The following SART1 variants were observed in gnomAD, a reference collection of about 807,000 sequenced individuals.
The protein encoded by SART1 is spliceosome associated factor 1, recruiter of U4/U6.U5 tri-snRNP.
Under a neutral mutation model 105.0 loss-of-function variants are expected in SART1, and 28 were observed. The observed-to-expected ratio is 0.27, with a 90% confidence interval of 0.20 to 0.37. The LOEUF is 0.37. SART1 is among the 10% of genes least tolerant of loss of function. The pLI is 1.00. For missense variants in SART1, 894 were observed against 1,106.5 expected (o/e 0.81, Z 2.72); for synonymous variants, 472 against 462.9 (o/e 1.02, Z -0.25).
chr11:65,972,801 C>T (rs559830933), intron 12 of SART1, among the ~76,000 whole-genome samples: 1 of 147,680 alleles, frequency 6.8e-6, no homozygotes, highest in African/African-American at 2.5e-5. Context: ...AAAAAAAAAA[C>T]CAAGAAACCC....
chr11:65,965,309 G>A (rs752572715), intron 4 of SART1, 33 bp from the exon 5 acceptor site: 10 of 1,596,794 alleles, frequency 6.3e-6, no homozygotes, highest in Non-Finnish European at 7.7e-6. Context: ...GCAGGAGCTG[G>A]GCTCCTTGAG....
rs918208615 is a variant in SART1, at chr11:65,978,515, G to A, written c.2173-85G>A. The A allele has an allele frequency of 1.4e-5, 19 of 1,339,984 alleles. No homozygotes were observed. The Middle Eastern group carries it at 7.5e-4, about 53-fold the overall frequency. 83.0% of individuals were successfully genotyped at this position (1,339,984 alleles called of 1,614,324 possible). ...CTGGCATTGGGGTCAATCAACACCC[G>A]CCCTGTTATTATACACCTTGTGGGC... On this transcript the variant is annotated intron_variant, in intron 17 of 19. Transcript: ENST00000312397. This position sits in a 1 kb window ranked among gnomAD's most constrained non-coding sequence, Gnocchi z 6.8.
Position 65,978,468 on chromosome 11 carries a change from C to A in SART1, c.2173-132C>A. 1.2e-6 allele frequency: 1 copy of A among 840,660 alleles called. No individual in the cohort carries two copies. Among genetic ancestry groups the A allele is most frequent in the Non-Finnish European group, 1.9e-6 (1 of 523,306 alleles). 52.1% of individuals were successfully genotyped at this position (840,660 alleles called of 1,614,324 possible). A position where few individuals can be genotyped will look rare whatever the true frequency, so the allele number is the denominator to read the frequency against. The stretch of plus-strand genomic sequence containing the variant: ...CCAGCGTCTGTGCTCTTTTCCCATC[C>A]CCTTCCCACTGCACCCCAGGCCTGG... On this transcript the variant is annotated intron_variant, in intron 17 of 19. Coordinates refer to ENST00000312397, the MANE Select transcript of SART1 (RefSeq NM_005146.5). This position sits in a 1 kb window ranked among gnomAD's most constrained non-coding sequence, Gnocchi z 6.8.
intron 1 of SART1, 122 bp from the exon 2 acceptor site, chr11:65,963,952 G>A (rs1855196619): frequency 1.3e-6 from 1 of 755,184 alleles, no homozygotes; most frequent in East Asian, 2.7e-5. Flanking sequence ...GCTGTTTTCT[G>A]GTGTTTCAGC....
rs1367442905 is a variant in SART1, at chr11:65,978,010, C to T, written c.2172+111C>T. 1 of 1,245,368 alleles carries T rather than the reference C, an allele frequency of 8.0e-7. No individual in the cohort carries two copies. Among genetic ancestry groups the T allele is most frequent in the African/African-American group, 1.5e-5 (1 of 66,226 alleles). 77.1% of individuals were successfully genotyped at this position (1,245,368 alleles called of 1,614,324 possible). ...GCCCCAGGGTCCTGGCTCCACCAGC[C>T]TCTGGCTGGGGGCCTGGTGAATGCC... On this transcript the variant is annotated intron_variant, in intron 17 of 19. Transcript: ENST00000312397. The surrounding 1 kb of genome is among the most constrained non-coding windows in gnomAD (Gnocchi z 6.8).
At chr11:65,966,667 G>T in intron 9 of SART1, 111 bp downstream of exon 9, 1 of 1,270,064 alleles carries the variant, frequency 7.9e-7, no homozygotes. Flanking sequence ...TTCACAAAGC[G>T]CTTGGCCTCG....
intron 1 of SART1, 37 bp downstream of exon 1, chr11:65,962,130 C>CCTGGGGGGGGGGGGGGGGGGGGGG: frequency 9.0e-6 from 1 of 111,094 alleles, no homozygotes; most frequent in Non-Finnish European, 1.6e-5. Flanking sequence ...GCGGGTCGGG[C>CCTGGGGGGGGGGGGGGGGGGGGGG]GGGGGTCCCG....
rs769814338 is a variant in SART1, at chr11:65,977,608, CCAA to C, written c.1995_1997del (p.Asn665del). On this transcript the variant is annotated inframe_deletion, in exon 16 of 20. Transcript: ENST00000312397. ...CAGAAGGTGGCCCGGGTGAAGGCCC[CCAA>C]CAAGTCGCTGCCCTCAGCCGTGTAC... is the stretch of plus-strand genomic sequence containing the variant. The C allele has an allele frequency of 3.3e-5, 54 of 1,613,830 alleles. No individual in the cohort carries two copies. Among genetic ancestry groups the C allele is most frequent in the Non-Finnish European group, 4.4e-5 (52 of 1,179,982 alleles).
chr11:65,976,609 G>A lies in SART1; in HGVS notation c.1746+41G>A, dbSNP rs537111180. The A allele has an allele frequency of 6.2e-7, 1 of 1,613,502 alleles. No individual in the cohort carries two copies. The highest frequency in any genetic ancestry group is 1.7e-5 in the Admixed American group (1 of 59,982). The stretch of plus-strand genomic sequence containing the variant: ...CCCCGCCCTCTGCTTCCCTCGGCTG[G>A]GTGGGCTGGCTGGGGCCTGGGCCGA... On this transcript the variant is annotated intron_variant, in intron 13 of 19. Coordinates refer to ENST00000312397, the MANE Select transcript of SART1 (RefSeq NM_005146.5). The surrounding 1 kb of genome is among the most constrained non-coding windows in gnomAD (Gnocchi z 5.1).
intron 12 of SART1, among the ~76,000 whole-genome samples, chr11:65,974,734 A>G (rs1397384756): frequency 6.6e-6 from 1 of 152,056 alleles, no homozygotes; most frequent in Non-Finnish European, 1.5e-5. Context: ...TACAATGTTC[A>G]TTAAAAAATA....
chr11:65,977,921 C>T (rs373700227), intron 17 of SART1, 22 bp downstream of exon 17: 45 of 1,576,898 alleles, frequency 2.9e-5, no homozygotes, highest in Middle Eastern at 3.5e-4. Context: ...CTTTTGCAGG[C>T]GGAGGCCCGG....
At chr11:65,969,452 TTTG>T (rs1380035813) in intron 12 of SART1, among the ~76,000 whole-genome samples, 1 of 152,254 alleles carries the variant, frequency 6.6e-6, no homozygotes, top group Admixed American at 6.5e-5. Flanking sequence ...GGAGGTTGTT[TTTG>T]TTGTTGTTTT....
chr11:65,963,911 GAGCTGCTGGGGAGCTTGGGTGGAAGA>G, intron 1 of SART1, 137 bp from the exon 2 acceptor site: 2 of 634,118 alleles, frequency 3.2e-6, no homozygotes, highest in South Asian at 3.7e-5. Context: ...TCGGGCAGAG[GAGCTGCTGGGGAGCTTGGGTGGAAGA>G]AGCTGCTGTT....
At chr11:65,966,988 G>C (rs1037207734) in intron 9 of SART1, among the ~76,000 whole-genome samples, 1 of 152,120 alleles carries the variant, frequency 6.6e-6, no homozygotes, top group Non-Finnish European at 1.5e-5. Flanking sequence ...TCCTCAGTGG[G>C]TAAGAGCAGG....
intron 8 of SART1, 55 bp from the exon 9 acceptor site, chr11:65,966,295 T>A: frequency 6.2e-7 from 1 of 1,613,736 alleles, no homozygotes; most frequent in Non-Finnish European, 8.5e-7. Flanking sequence ...AGGTGGTGGC[T>A]CAGTGGCTTT....
At chr11:65,965,806 G>C in intron 6 of SART1, 27 bp downstream of exon 6, 1 of 1,613,760 alleles carries the variant, frequency 6.2e-7, no homozygotes, top group Non-Finnish European at 8.5e-7. Context: ...GGTGGTACAG[G>C]GGACACTGGT....
In SART1 at chr11:65,966,550, G is replaced by A; in HGVS notation, c.1182G>A (p.Glu394=). The A allele has an allele frequency of 6.6e-7, 1 of 1,525,816 alleles. No homozygotes were observed. Among genetic ancestry groups the A allele is most frequent in the East Asian group, 2.3e-5 (1 of 43,826 alleles). 94.5% of individuals were successfully genotyped at this position (1,525,816 alleles called of 1,614,324 possible). ...PRLASEYLTP[E]EMVTFKKTKR... The stretch of plus-strand genomic sequence containing the variant: ...TGGCCTCCGAATACCTCACGCCTGA[G>A]GAGATGGTGAGCCCTCCCGTGCCTT... The change falls in exon 9 of 20, where the codon GAG becomes GAA. Residue 394 remains glutamate, a synonymous_variant. Transcript: ENST00000312397.
chr11:65,964,186 G>A (rs774797688), intron 2 of SART1, 55 bp downstream of exon 2: 8 of 1,450,204 alleles, frequency 5.5e-6, no homozygotes, highest in African/African-American at 1.4e-5. Flanking sequence ...GTGGCTCTGG[G>A]GCCAGCACGG....
rs1022081893 is a variant in SART1, at chr11:65,979,275, T to A, written c.*245T>A. 17 of 600,848 alleles carry A rather than the reference T, an allele frequency of 2.8e-5. No homozygotes were observed. The highest frequency in any genetic ancestry group is 1.2e-4 in the Admixed American group (4 of 33,854). 37.2% of individuals were successfully genotyped at this position (600,848 alleles called of 1,614,324 possible). On this transcript the variant is annotated 3_prime_UTR_variant, in exon 20 of 20. Transcript: ENST00000312397. ...CTCCCCTGGCTGTCGGTCACACCTC[T>A]GCAGGGCCGGCTCTCTGATAGAAAG... is the stretch of plus-strand genomic sequence containing the variant.
Sources: gnomAD v4.1 joint callset for allele counts (sites outside exome capture counted in the v4.1 genomes callset) on GRCh38, gnomAD v4.1.1 for gene constraint, Gnocchi (gnomAD v3.1) non-coding constraint, MANE v1.5 for transcripts, NCBI Gene and HGNC (gene_info 2026-07-23, HGNC 2026-07-21) for gene names.